ESRRG: variants seen among roughly 807,000 people sequenced by gnomAD.
The protein encoded by ESRRG is estrogen-related receptor gamma.
In ESRRG, 13 loss-of-function variants were observed where a neutral mutation model predicts 44.0. The ratio of observed to expected loss-of-function variants is 0.30; its 90% CI spans 0.19 to 0.47. The LOEUF (loss-of-function observed/expected upper bound fraction) is 0.47. Among genes scored for constraint, ESRRG ranks in the 20% least tolerant of loss-of-function variants. The pLI, the probability that ESRRG is intolerant of heterozygous loss-of-function variation, is 1.00. For missense variants in ESRRG, 395 were observed against 580.6 expected, an observed-to-expected ratio of 0.68 and a Z score of 3.29; for synonymous variants, 215 against 214.6, an observed-to-expected ratio of 1.00 and a Z score of -0.02.
intron 2 of ESRRG, among the ~76,000 whole-genome samples, chr1:216,831,103 C>T (rs990010165): frequency 9.2e-5 from 14 of 151,868 alleles, no homozygotes; most frequent in Non-Finnish European, 1.8e-4. Flanking sequence ...AGCTCCTGTT[C>T]TCTCCAACAG....
At chr1:216,908,219 C>T (rs1469061336) in intron 2 of ESRRG, among the ~76,000 whole-genome samples, 1 of 152,188 alleles carries the variant, frequency 6.6e-6, no homozygotes, top group African/African-American at 2.4e-5. Context: ...ATGAGGTCTG[C>T]CCACTGTGTC....
At chr1:216,567,904 G>A (rs933542774) in intron 4 of ESRRG, 84 bp downstream of exon 4, 2 of 834,188 alleles carry the variant, frequency 2.4e-6, no homozygotes, top group Non-Finnish European at 2.1e-6. Context: ...AGTCAGTAGG[G>A]ATGGGCATGC....
intron 2 of ESRRG, among the ~76,000 whole-genome samples, chr1:216,886,032 G>C (rs1332868008): frequency 6.6e-6 from 1 of 151,858 alleles, no homozygotes; most frequent in Non-Finnish European, 1.5e-5. Context: ...TGATGTCATG[G>C]GTTTCTGAAG....
intron 2 of ESRRG, among the ~76,000 whole-genome samples, chr1:216,671,276 A>G (rs1179616570): frequency 1.3e-5 from 2 of 152,214 alleles, no homozygotes; most frequent in African/African-American, 4.8e-5. Flanking sequence ...TGAGCACGAT[A>G]AGCTAAATAT....
intron 1 of ESRRG, among the ~76,000 whole-genome samples, chr1:217,050,970 A>G (rs1234471803): frequency 6.6e-6 from 1 of 152,072 alleles, no homozygotes; most frequent in East Asian, 1.9e-4. Context: ...AGGTGTGGGA[A>G]GGACTCAGTG....
At chr1:216,787,985 G>A (rs1279902336) in intron 2 of ESRRG, among the ~76,000 whole-genome samples, 1 of 152,146 alleles carries the variant, frequency 6.6e-6, no homozygotes, top group Non-Finnish European at 1.5e-5. Context: ...CCGGAAGGCT[G>A]AGAGAAATGA....
intron 2 of ESRRG, among the ~76,000 whole-genome samples, chr1:216,894,284 TA>T (rs59764446): frequency 6.6e-6 from 1 of 152,228 alleles, no homozygotes; most frequent in East Asian, 1.9e-4. Context: ...TACACAGTCT[TA>T]AAAAAATAGA....
chr1:216,908,000 T>G (rs1050926520), intron 2 of ESRRG, among the ~76,000 whole-genome samples: 8 of 152,138 alleles, frequency 5.3e-5, no homozygotes, highest in Non-Finnish European at 1.2e-4. Context: ...TTAAGAAGAA[T>G]AATAAATTAT....
intron 1 of ESRRG, among the ~76,000 whole-genome samples, chr1:216,717,386 C>T (rs2085131694): frequency 1.3e-5 from 2 of 151,702 alleles, no homozygotes; most frequent in African/African-American, 2.4e-5. Context: ...TTACAAAGTA[C>T]AAGACTAAAA....
In ESRRG at chr1:217,008,761, T is replaced by G. The variant is rs183617441; in HGVS notation, c.-105-69088A>C. Among the ~76,000 whole-genome samples the G allele has an allele frequency of 4.4e-3, 674 of 152,298 alleles. 7 individuals are homozygous for G. The highest frequency in any genetic ancestry group is 0.015 in the African/African-American group (618 of 41,560). ...CACTTAAGTCCACACCTGCAGGGTT[T>G]TGCACTGTGATTGAGTTGAAACAAA... On this transcript the variant is annotated intron_variant, in intron 1 of 7. Coordinates refer to the ESRRG transcript ENST00000359162.
In ESRRG at chr1:216,677,145, C is replaced by A; in HGVS notation, c.403G>T (p.Ala135Ser). 6.2e-7 allele frequency: 1 copy of A among 1,614,018 alleles called. No individual in the cohort carries two copies. Among genetic ancestry groups the A allele is most frequent in the South Asian group, 1.1e-5 (1 of 91,078 alleles). ...KRLCLVCGDI[A>S]SGYHYGVASC... The stretch of plus-strand genomic sequence containing the variant: ...GCTACCCCATAGTGGTACCCAGAAG[C>A]GATGTCACCACACACTAAACACAGT... The change falls in exon 2 of 7, where the codon GCT becomes TCT. Residue 135 changes from alanine (A) to serine (S), a missense_variant. Ala to Ser is a moderately conservative substitution (Grantham distance 99). Transcript: ENST00000408911.
At chr1:216,953,342 C>T (rs772517419) in intron 1 of ESRRG, among the ~76,000 whole-genome samples, 7 of 152,144 alleles carry the variant, frequency 4.6e-5, no homozygotes, top group Non-Finnish European at 7.4e-5. Context: ...TACCTCTGCA[C>T]GACCGCACCT....
At chr1:216,935,633 T>TC (rs35605078) in intron 2 of ESRRG, among the ~76,000 whole-genome samples, 1 of 151,788 alleles carries the variant, frequency 6.6e-6, no homozygotes, top group Non-Finnish European at 1.5e-5. Flanking sequence ...TTTTTTTTTT[T>TC]GGAGATGGAG....
intron 3 of ESRRG, among the ~76,000 whole-genome samples, chr1:216,573,915 A>G (rs1171148459): frequency 6.6e-6 from 1 of 152,084 alleles, no homozygotes; most frequent in East Asian, 1.9e-4. Context: ...TATGATCAGA[A>G]CCTGGGAAAT....
intron 1 of ESRRG, among the ~76,000 whole-genome samples, chr1:217,068,989 A>G (rs1172415054): frequency 2.0e-5 from 3 of 152,210 alleles, no homozygotes; most frequent in Admixed American, 6.5e-5. Context: ...TACACCTATG[A>G]TGGTTAATAC....
intron 2 of ESRRG, chr1:216,865,218 A>AAAAAAAAAAAAAAAAAAAAAAAAAAAC (rs2096131096): frequency 7.4e-6 from 1 of 135,250 alleles, no homozygotes; most frequent in Admixed American, 7.5e-5. Context: ...AAAAAAAAAA[A>AAAAAAAAAAAAAAAAAAAAAAAAAAAC]TTACCACAAA....
Position 216,530,293 on chromosome 1 carries a change from G to T in ESRRG, c.863-10872C>A, listed in dbSNP as rs142011404. Among the ~76,000 whole-genome samples, 88 of 137,634 alleles carry T rather than the reference G, an allele frequency of 6.4e-4. No homozygotes were observed. In the East Asian group the frequency reaches 0.015, roughly 24 times the overall value. The allele number at this position is 137,634 out of a possible 152,430, so 90.3% of individuals were successfully genotyped here. On this transcript the variant is annotated intron_variant, in intron 5 of 6. Coordinates refer to ENST00000408911, the MANE Select transcript of ESRRG (RefSeq NM_001438.4). ...GTGAATTAACATTAAAATATAGATA[G>T]ATATATTAAGGTCTATCTATCTATC...
intron 1 of ESRRG, among the ~76,000 whole-genome samples, chr1:217,136,402 T>C (rs2093050222): frequency 6.6e-6 from 1 of 152,144 alleles, no homozygotes; most frequent in Admixed American, 6.5e-5. Context: ...AATAACCCAC[T>C]CAGCAACTTT....
At chr1:217,080,947 G>A (rs986814089) in intron 1 of ESRRG, among the ~76,000 whole-genome samples, 2 of 151,874 alleles carry the variant, frequency 1.3e-5, no homozygotes, top group Non-Finnish European at 2.9e-5. Flanking sequence ...AAAGTGTTGG[G>A]ATTACAGGCG....
Sources: gnomAD v4.1 joint callset for allele counts (sites outside exome capture counted in the v4.1 genomes callset) on GRCh38, gnomAD v4.1.1 for gene constraint, MANE v1.5 for transcripts, NCBI Gene and HGNC (gene_info 2026-07-23, HGNC 2026-07-21) for gene names.